Variants in DET1 observed in about 807,000 individuals in gnomAD.
DET1 encodes the protein DET1 homolog.
Under a neutral mutation model 43.7 loss-of-function variants are expected in DET1, and 22 were observed. The ratio of observed to expected loss-of-function variants is 0.50; its 90% CI spans 0.36 to 0.72. DET1 has a LOEUF of 0.72. Ranked by LOEUF, DET1 falls within the 30% of genes least tolerant of loss-of-function variation. The pLI, the probability that DET1 is intolerant of heterozygous loss-of-function variation, is 0.00. For synonymous variants in DET1, 315 were observed against 266.2 expected (o/e 1.18, Z -1.79); for missense variants, 713 against 713.3 (o/e 1.00, Z 0.00).
chr15:88,540,671 CTA>C (rs1183593506), intron 1 of DET1, among the ~76,000 whole-genome samples: 1 of 148,500 alleles, frequency 6.7e-6, no homozygotes, highest in Non-Finnish European at 1.5e-5. Flanking sequence ...TTCTGTTAAT[CTA>C]TGACCTTAGC....
intron 1 of DET1, among the ~76,000 whole-genome samples, chr15:88,538,055 C>T (rs1369250914): frequency 6.6e-6 from 1 of 152,206 alleles, no homozygotes; most frequent in Middle Eastern, 3.2e-3. Context: ...TTTTCAGAGC[C>T]TAGCACTGGG....
rs1402544681 is a variant in DET1 at position 88,516,016 on chromosome 15, G to A, written c.1463+766C>T. Among the ~76,000 whole-genome samples, 3 of 152,192 alleles carry A rather than the reference G, an allele frequency of 2.0e-5. No individual in the cohort carries two copies. The highest frequency in any genetic ancestry group is 7.2e-5 in the African/African-American group (3 of 41,434). The stretch of plus-strand genomic sequence containing the variant: ...AATGGTGATTAATTATACAGACTAT[G>A]TCACACAGGCACATTTAATACACAA... On this transcript the variant is annotated intron_variant, in intron 4 of 4. Coordinates refer to ENST00000268148, the MANE Select transcript of DET1 (RefSeq NM_001144074.3). This position sits in a 1 kb window ranked among gnomAD's most constrained non-coding sequence, Gnocchi z 4.4.
intron 3 of DET1, among the ~76,000 whole-genome samples, chr15:88,519,948 T>A (rs993857157): frequency 3.9e-5 from 6 of 152,312 alleles, no homozygotes; most frequent in African/African-American, 1.4e-4. Context: ...TCTTAGCCAA[T>A]GGCATCGCTT....
intron 1 of DET1, among the ~76,000 whole-genome samples, chr15:88,543,751 A>G (rs1466022735): frequency 1.3e-5 from 2 of 152,224 alleles, no homozygotes; most frequent in African/African-American, 4.8e-5. Flanking sequence ...CACTGACAGC[A>G]GGTACGCCTT....
Position 88,531,594 on chromosome 15 carries a change from G to T in DET1, c.112C>A (p.Gln38Lys). 6.2e-7 allele frequency: 1 copy of T among 1,614,010 alleles called. No homozygotes were observed. Among genetic ancestry groups the T allele is most frequent in the African/African-American group, 1.3e-5 (1 of 75,042 alleles). ...SSGKAGTHWHQVRVFHQNVFP... is the reference protein window; with the variant it reads ...SSGKAGTHWHKVRVFHQNVFP... The stretch of plus-strand genomic sequence containing the variant: ...ACATTCTGATGGAACACTCGGACTT[G>T]GTGCCAGTGGGTACCTGCCTTGCCT... The change falls in exon 2 of 5, where the codon CAA (glutamine) becomes AAA (lysine). Residue 38 changes from glutamine to lysine, a missense_variant. Transcript: ENST00000268148. This position sits in a 1 kb window ranked among gnomAD's most constrained non-coding sequence, Gnocchi z 6.2.
chr15:88,535,302 T>C (rs1018467697), intron 1 of DET1, among the ~76,000 whole-genome samples: 3 of 151,652 alleles, frequency 2.0e-5, no homozygotes, highest in Admixed American at 1.3e-4. Flanking sequence ...ACCCTGAAGA[T>C]AGATTAGTAT....
chr15:88,539,289 C>T (rs995195024), intron 1 of DET1, among the ~76,000 whole-genome samples: 11 of 151,914 alleles, frequency 7.2e-5, no homozygotes, highest in Admixed American at 2.0e-4. Flanking sequence ...AGTTCTGGGG[C>T]GACCTCACAA....
intron 3 of DET1, among the ~76,000 whole-genome samples, chr15:88,526,107 A>G (rs185092413): frequency 2.0e-4 from 31 of 152,376 alleles, no homozygotes; most frequent in Admixed American, 1.8e-3. Context: ...ATACTAAGGC[A>G]GAAGATTTGT....
At chr15:88,542,955 CAG>C (rs1373264109) in intron 1 of DET1, among the ~76,000 whole-genome samples, 1 of 152,222 alleles carries the variant, frequency 6.6e-6, no homozygotes, top group Non-Finnish European at 1.5e-5. Context: ...GCCTGAATGA[CAG>C]GGCCGTGAGA....
intron 7 of DET1, among the ~76,000 whole-genome samples, chr15:88,506,707 T>G (rs1309396503): frequency 6.6e-6 from 1 of 152,174 alleles, no homozygotes; most frequent in African/African-American, 2.4e-5. Context: ...CTTTTAAAAA[T>G]TATCTAATTT....
intron 3 of DET1, among the ~76,000 whole-genome samples, chr15:88,522,691 T>G (rs1326123283): frequency 6.6e-6 from 1 of 151,400 alleles, no homozygotes; most frequent in Non-Finnish European, 1.5e-5. Context: ...TTTGTATTTT[T>G]TTTTATTTAG....
intron 3 of DET1, among the ~76,000 whole-genome samples, chr15:88,521,793 A>T (rs1316797603): frequency 6.6e-6 from 1 of 152,030 alleles, no homozygotes; most frequent in African/African-American, 2.4e-5. Context: ...TGTGAAATGT[A>T]TGTTCTTTCT....
At chr15:88,535,089 G>A (rs911354905) in intron 1 of DET1, among the ~76,000 whole-genome samples, 1 of 152,158 alleles carries the variant, frequency 6.6e-6, no homozygotes, top group Non-Finnish European at 1.5e-5. Flanking sequence ...CAAAGTCTCA[G>A]CTAAGAAACA....
downstream of DET1, among the ~76,000 whole-genome samples, chr15:88,508,582 G>C (rs369912231): frequency 6.6e-6 from 1 of 152,214 alleles, no homozygotes; most frequent in South Asian, 2.1e-4. Flanking sequence ...TCTTGGTATA[G>C]AGACAAATCA....
rs2056231812 is a variant in DET1 at position 88,512,950 on chromosome 15, C to T, written c.*1G>A. 2 of 1,612,988 alleles carry T rather than the reference C, an allele frequency of 1.2e-6. No individual in the cohort carries two copies. Among genetic ancestry groups the T allele is most frequent in the African/African-American group, 1.3e-5 (1 of 74,920 alleles). ...CAGATAATCTGGCTCTGGTGAGGCA[C>T]CTACGTGCAGCAGTGTCGCATATGG... On this transcript the variant is annotated 3_prime_UTR_variant, in exon 5 of 5. Transcript: ENST00000268148.
chr15:88,542,462 C>T (rs10438429), intron 1 of DET1, among the ~76,000 whole-genome samples: 107,740 of 151,950 alleles, frequency 0.71, 38,734 homozygotes, highest in African/African-American at 0.83. Context: ...CTCCAGGAGG[C>T]TTATCGCATT....
At chr15:88,534,838 C>G (rs972811452) in intron 1 of DET1, among the ~76,000 whole-genome samples, 1 of 152,174 alleles carries the variant, frequency 6.6e-6, no homozygotes, top group African/African-American at 2.4e-5. Context: ...CAAAAATCAC[C>G]AACATCCTCT....
chr15:88,535,707 G>C lies in DET1; in HGVS notation c.-10-3992C>G, dbSNP rs548712947. ...GGAAGCAGAGGCTGAAGTGAGCTGA[G>C]ATCATGCCACTGCACTCCAGCCTGG... On this transcript the variant is annotated intron_variant, in intron 1 of 4. Transcript: ENST00000268148. Among the ~76,000 whole-genome samples, 64 of 151,850 alleles carry C rather than the reference G, an allele frequency of 4.2e-4. 1 individual carries two copies. The highest frequency in any genetic ancestry group is 6.8e-3 in the Middle Eastern group (2 of 294).
At chr15:88,527,521 T>A (rs974975196) in intron 3 of DET1, 78 bp downstream of exon 3, 6 of 1,343,368 alleles carry the variant, frequency 4.5e-6, no homozygotes, top group Admixed American at 5.2e-5. Flanking sequence ...GAATAAGAGG[T>A]TTCCTAGAGA....
Sources: gnomAD v4.1 joint callset for allele counts (sites outside exome capture counted in the v4.1 genomes callset) on GRCh38, gnomAD v4.1.1 for gene constraint, Gnocchi (gnomAD v3.1) non-coding constraint, MANE v1.5 for transcripts, NCBI Gene and HGNC (gene_info 2026-07-23, HGNC 2026-07-21) for gene names.